Variants in COQ8A observed in about 807,000 individuals in gnomAD.
COQ8A encodes the protein coenzyme Q8A, also known as atypical kinase COQ8A, mitochondrial.
In COQ8A, 51 loss-of-function variants were observed where a neutral mutation model predicts 65.0. The ratio of observed to expected loss-of-function variants is 0.78; its 90% CI spans 0.63 to 0.99. The LOEUF (loss-of-function observed/expected upper bound fraction) is 0.99. Among genes scored for constraint, COQ8A ranks in the 50% least tolerant of loss-of-function variants. The pLI, the probability that COQ8A is intolerant of heterozygous loss-of-function variation, is 0.00. For synonymous variants in COQ8A, 371 were observed against 353.2 expected (o/e 1.05, Z -0.57); for missense variants, 940 against 875.0 (o/e 1.07, Z -0.94).
At chr1:226,980,413 G>A (rs1659615695) in intron 5 of COQ8A, among the ~76,000 whole-genome samples, 1 of 152,214 alleles carries the variant, frequency 6.6e-6, no homozygotes, top group Admixed American at 6.5e-5. Context: ...GTGTCATGAG[G>A]AGACAGACTG....
chr1:226,957,912 G>T (rs1657910402), intron 1 of COQ8A, among the ~76,000 whole-genome samples: 1 of 152,154 alleles, frequency 6.6e-6, no homozygotes. Flanking sequence ...TGAAAGGTCA[G>T]AGAGTGAAAG....
At chr1:226,965,901 T>C (rs1558191991) in intron 4 of COQ8A, among the ~76,000 whole-genome samples, 164 bp downstream of exon 4, 1 of 152,216 alleles carries the variant, frequency 6.6e-6, no homozygotes, top group Non-Finnish European at 1.5e-5. Flanking sequence ...GAGTTTTTCA[T>C]GGGAGGATGA....
chr1:226,986,615 T>G lies in COQ8A; in HGVS notation c.1822T>G (p.Ser608Ala). The G allele has an allele frequency of 6.2e-7, 1 of 1,613,518 alleles. No homozygotes were observed. The highest frequency in any genetic ancestry group is 8.5e-7 in the Non-Finnish European group (1 of 1,179,950). Residue 608 changes from serine to alanine, a missense_variant, in exon 15 of 15, where the codon TCC becomes GCC. Ser to Ala is a moderately conservative substitution (Grantham distance 99, BLOSUM62 1). Transcript: ENST00000366777. ...CGTCCCCCCACCCGAGGAAACCTAC[T>G]CCCTGCACAGGAAGATGGGGGGCTC... ...RLVPPPEETYSLHRKMGGSFL... is the reference protein window; with the variant it reads ...RLVPPPEETYALHRKMGGSFL...
intron 5 of COQ8A, among the ~76,000 whole-genome samples, chr1:226,979,199 A>T (rs1167994714): frequency 6.6e-6 from 1 of 152,154 alleles, no homozygotes; most frequent in African/African-American, 2.4e-5. Context: ...CACTCATCCC[A>T]CTGAGGTTGG....
chr1:226,985,217 C>T, intron 13 of COQ8A, 37 bp from the exon 14 acceptor site: 1 of 1,605,364 alleles, frequency 6.2e-7, no homozygotes, highest in Non-Finnish European at 8.5e-7. Flanking sequence ...CTGAGCTTTT[C>T]ATGCTGCCCA....
At chr1:226,962,491 G>A (rs183336055) in intron 2 of COQ8A, among the ~76,000 whole-genome samples, 151 of 152,352 alleles carry the variant, frequency 9.9e-4, no homozygotes, top group South Asian at 8.7e-3. Flanking sequence ...GAGACAGGGT[G>A]GGGGGTGTTT....
rs771444894 is a variant in COQ8A, at chr1:226,987,452, G to C, written c.*715G>C. 1 of 152,470 alleles carries C rather than the reference G, an allele frequency of 6.6e-6. No homozygotes were observed. Among genetic ancestry groups the C allele is most frequent in the East Asian group, 1.9e-4 (1 of 5,182 alleles). 9.4% of individuals were successfully genotyped at this position (152,470 alleles called of 1,614,324 possible). On this transcript the variant is annotated 3_prime_UTR_variant, in exon 15 of 15. Coordinates refer to ENST00000366777, the MANE Select transcript of COQ8A (RefSeq NM_020247.5). ...CAGGTGTCACCAGTTCCAGCCAAAG[G>C]CTCCTCACAGGCGCTGTGAATTTTT... is the stretch of plus-strand genomic sequence containing the variant.
At chr1:226,977,326 G>A (rs1181854719) in intron 4 of COQ8A, 123 bp from the exon 5 acceptor site, 3 of 829,422 alleles carry the variant, frequency 3.6e-6, no homozygotes, top group Non-Finnish European at 5.7e-6. Context: ...AAATGCTGGT[G>A]TGGCAGCGAG....
At chr1:226,948,208 G>T (rs1165249528) in intron 1 of COQ8A, among the ~76,000 whole-genome samples, 1 of 152,180 alleles carries the variant, frequency 6.6e-6, no homozygotes, top group Non-Finnish European at 1.5e-5. Context: ...AGGCTCAAGG[G>T]CAGGACCCGA....
chr1:226,983,907 AC>A, intron 10 of COQ8A, 53 bp downstream of exon 10: 1 of 1,585,292 alleles, frequency 6.3e-7, no homozygotes, highest in Non-Finnish European at 8.6e-7. Flanking sequence ...GGCAGAAGGG[AC>A]CATGTTCAGC....
chr1:226,982,182 T>G, intron 6 of COQ8A, 33 bp downstream of exon 6: 1 of 1,549,066 alleles, frequency 6.5e-7, no homozygotes, highest in Non-Finnish European at 8.7e-7. Context: ...GCCCCGGGAC[T>G]GCGTGGGCTG....
chr1:226,944,692 TGA>T (rs1174520293), intron 1 of COQ8A, among the ~76,000 whole-genome samples: 19 of 86,730 alleles, frequency 2.2e-4, no homozygotes, highest in South Asian at 8.6e-4. Flanking sequence ...AGTTGTACCC[TGA>T]GAGAGAGAGA....
rs184055993 is a variant in COQ8A, at chr1:226,946,609, C to T, written c.-10+6210C>T. Among the ~76,000 whole-genome samples the T allele has an allele frequency of 9.2e-5, 14 of 152,270 alleles. No individual in the cohort carries two copies. The highest frequency in any genetic ancestry group is 6.5e-4 in the Admixed American group (10 of 15,306). ...CTGAGCCTCTTCTCATTTCTCGTTG[C>T]GTGTGTGGTTGTTGTCTGTCTAGGA... On this transcript the variant is annotated intron_variant, in intron 1 of 14. Transcript: ENST00000366777. The surrounding 1 kb of genome is among the most constrained non-coding windows in gnomAD (Gnocchi z 5.3).
chr1:226,982,608 G>C, intron 6 of COQ8A, 70 bp from the exon 7 acceptor site: 1 of 1,530,090 alleles, frequency 6.5e-7, no homozygotes, highest in South Asian at 1.1e-5. Flanking sequence ...TCCCAGGAGT[G>C]TGCCCGCCCA....
Position 226,986,688 on chromosome 1 carries a change from T to G in COQ8A, c.1895T>G (p.Met632Arg), listed in dbSNP as rs772188310. Residue 632 changes from methionine (M) to arginine (R), a missense_variant, in exon 15 of 15, where the codon ATG (methionine) becomes AGG (arginine). By Grantham distance (91) the Met-to-Arg change is moderately conservative. Coordinates refer to ENST00000366777, the MANE Select transcript of COQ8A (RefSeq NM_020247.5). ...AAGGCCCGCTTCCCCTGCAAGGCCA[T>G]GTTCGAGGAGGCCTACAGCAACTAC... is the stretch of plus-strand genomic sequence containing the variant. ...KLKARFPCKA[M>R]FEEAYSNYCK... The G allele has an allele frequency of 1.2e-6, 2 of 1,613,982 alleles. No individual in the cohort carries two copies. The highest frequency in any genetic ancestry group is 2.7e-5 in the African/African-American group (2 of 74,938).
chr1:226,955,953 C>T lies in COQ8A; in HGVS notation c.-9-5424C>T, dbSNP rs1211882591. Among the ~76,000 whole-genome samples, 5 of 141,666 alleles carry T rather than the reference C, an allele frequency of 3.5e-5. No individual in the cohort carries two copies. In the South Asian group the frequency reaches 6.9e-4, roughly 19 times the overall value. The allele number at this position is 141,666 out of a possible 152,430, so 92.9% of individuals were successfully genotyped here. ...CCTGGTTCCCATTCTCCCTGGTTCC[C>T]GCTCTCCCTGATTCACACTCTCCCT... On this transcript the variant is annotated intron_variant, in intron 1 of 14. Transcript: ENST00000366777.
intron 6 of COQ8A, chr1:226,982,367 C>T: frequency 1.4e-6 from 1 of 693,470 alleles, no homozygotes; most frequent in East Asian, 2.7e-5. Flanking sequence ...TTGCTCTCTA[C>T]AGGTGGTCAG....
At chr1:226,970,078 G>A (rs966386528) in intron 4 of COQ8A, among the ~76,000 whole-genome samples, 1 of 152,054 alleles carries the variant, frequency 6.6e-6, no homozygotes, top group Non-Finnish European at 1.5e-5. Flanking sequence ...TCAGCCACTC[G>A]AATAGCTGGA....
At position 226,986,852 on chromosome 1, in the gene COQ8A, G is replaced by GT; in HGVS notation, c.*116dup. ...TTAACTCCTTTGCCCAATAAGGGGGGTGGCTGCCTGGAGCCCCGTAGCCAG... is the reference window on the plus strand; with the variant it reads ...TTAACTCCTTTGCCCAATAAGGGGGGTTGGCTGCCTGGAGCCCCGTAGCCAG... On this transcript the variant is annotated 3_prime_UTR_variant, in exon 15 of 15. Coordinates refer to ENST00000366777, the MANE Select transcript of COQ8A (RefSeq NM_020247.5). 7.4e-7 allele frequency: 1 copy of GT among 1,349,668 alleles called. No homozygotes were observed. Among genetic ancestry groups the GT allele is most frequent in the Non-Finnish European group, 1.0e-6 (1 of 983,288 alleles). 83.6% of individuals were successfully genotyped at this position (1,349,668 alleles called of 1,614,324 possible). A position where few individuals can be genotyped will look rare whatever the true frequency, so the allele number is the denominator to read the frequency against.
Sources: allele counts gnomAD v4.1 joint callset (sites outside exome capture counted in the v4.1 genomes callset), GRCh38; gene constraint gnomAD v4.1.1; non-coding constraint Gnocchi (gnomAD v3.1); transcripts MANE v1.5; gene names NCBI Gene and HGNC (gene_info 2026-07-23, HGNC 2026-07-21).